The following UBE2E2 variants were observed in gnomAD, a reference collection of about 807,000 sequenced individuals.
UBE2E2 encodes ubiquitin-conjugating enzyme E2 E2.
Under a neutral mutation model 24.7 loss-of-function variants are expected in UBE2E2, and 6 were observed. That is an observed-to-expected ratio of 0.24 (90% CI 0.13 to 0.48). The LOEUF is 0.48. Among genes scored for constraint, UBE2E2 ranks in the 20% least tolerant of loss-of-function variants. The probability of loss-of-function intolerance (pLI) is 0.99; values close to 1 mark genes in which losing one functional copy is unlikely to be tolerated. For missense variants in UBE2E2, 169 were observed against 245.0 expected (o/e 0.69, Z 2.07); for synonymous variants, 104 against 83.6 (o/e 1.24, Z -1.33).
At chr3:23,433,281 A>G (rs1364488144) in intron 3 of UBE2E2, among the ~76,000 whole-genome samples, 3 of 151,962 alleles carry the variant, frequency 2.0e-5, no homozygotes, top group African/African-American at 7.2e-5. Flanking sequence ...GAATAACTTC[A>G]TAATAATAAA....
At chr3:23,277,165 A>G (rs958568231) in intron 3 of UBE2E2, among the ~76,000 whole-genome samples, 3 of 152,144 alleles carry the variant, frequency 2.0e-5, no homozygotes, top group Non-Finnish European at 4.4e-5. Flanking sequence ...AAGAATAGTA[A>G]TATAGTGGGA....
intron 3 of UBE2E2, among the ~76,000 whole-genome samples, chr3:23,277,587 A>C (rs1698399571): frequency 1.3e-5 from 2 of 152,106 alleles, no homozygotes; most frequent in Admixed American, 1.3e-4. Flanking sequence ...TTTTTAAAAA[A>C]CGTAATCATG....
Position 23,458,391 on chromosome 3 carries a change from CTGGTGGTGGTGGTGG to C in UBE2E2, c.228-41194_228-41180del, listed in dbSNP as rs781216109. On this transcript the variant is annotated intron_variant, in intron 3 of 5. Transcript: ENST00000396703. ...CAACAATCACTGATCAGAGAGATCG[CTGGTGGTGGTGGTGG>C]TGGTGGTGGTGGTGGTGGTGGTTGT... Among the ~76,000 whole-genome samples, 45 of 122,482 alleles carry C rather than the reference CTGGTGGTGGTGGTGG, an allele frequency of 3.7e-4. No homozygotes were observed. In the South Asian group the frequency reaches 9.6e-3, roughly 26 times the overall value. The allele number at this position is 122,482 out of a possible 152,430, so 80.4% of individuals were successfully genotyped here. A position where few individuals can be genotyped will look rare whatever the true frequency, so the allele number is the denominator to read the frequency against.
chr3:23,511,613 C>G (rs917033126), intron 4 of UBE2E2, among the ~76,000 whole-genome samples: 2 of 151,996 alleles, frequency 1.3e-5, no homozygotes, highest in Admixed American at 6.6e-5. Flanking sequence ...AATTTTCAAC[C>G]CAAACTGAAT....
chr3:23,260,301 G>C (rs1697860966), intron 3 of UBE2E2, among the ~76,000 whole-genome samples: 1 of 151,934 alleles, frequency 6.6e-6, no homozygotes, highest in East Asian at 1.9e-4. Flanking sequence ...TAAATTATTA[G>C]CCTGTGCCAA....
intron 3 of UBE2E2, among the ~76,000 whole-genome samples, chr3:23,325,818 T>C (rs141964563): frequency 6.8e-4 from 103 of 152,360 alleles, no homozygotes; most frequent in African/African-American, 2.4e-3. Flanking sequence ...AGGGAGCCCT[T>C]ATATCCTAAC....
At chr3:23,389,528 C>T (rs1696885902) in intron 3 of UBE2E2, 1 of 180,498 alleles carries the variant, frequency 5.5e-6, no homozygotes, top group South Asian at 1.6e-4. Context: ...CTCCAAAGTT[C>T]TCCGAAGCAA....
chr3:23,330,173 A>G (rs1300920596), intron 3 of UBE2E2, among the ~76,000 whole-genome samples: 2 of 152,238 alleles, frequency 1.3e-5, no homozygotes, highest in African/African-American at 2.4e-5. Flanking sequence ...TTTTAAAACT[A>G]AAGTGTTAAT....
intron 4 of UBE2E2, among the ~76,000 whole-genome samples, chr3:23,508,515 C>T (rs987305501): frequency 6.6e-6 from 1 of 152,154 alleles, no homozygotes; most frequent in Non-Finnish European, 1.5e-5. Flanking sequence ...ATTATTGTCT[C>T]CTGAGATGCT....
At chr3:23,261,643 T>C (rs984079020) in intron 3 of UBE2E2, among the ~76,000 whole-genome samples, 3 of 152,204 alleles carry the variant, frequency 2.0e-5, no homozygotes, top group Non-Finnish European at 4.4e-5. Context: ...CCTTTAGCTC[T>C]GGTAACCACC....
At chr3:23,238,792 CTG>C (rs766337831) in intron 3 of UBE2E2, among the ~76,000 whole-genome samples, 2 of 152,128 alleles carry the variant, frequency 1.3e-5, no homozygotes, top group African/African-American at 4.8e-5. Flanking sequence ...GCTGAATAAA[CTG>C]TGTATTGTGT....
At chr3:23,534,960 T>A (rs531879611) in intron 5 of UBE2E2, among the ~76,000 whole-genome samples, 2 of 152,340 alleles carry the variant, frequency 1.3e-5, no homozygotes, top group South Asian at 4.1e-4. Context: ...CATAAACTTA[T>A]TTTCTAAATC....
intron 3 of UBE2E2, among the ~76,000 whole-genome samples, chr3:23,240,156 A>G (rs1697220027): frequency 6.6e-6 from 1 of 152,170 alleles, no homozygotes; most frequent in Admixed American, 6.5e-5. Flanking sequence ...GTAAACATTC[A>G]CCATTCACAT....
chr3:23,578,009 GAAAA>G (rs58612058), intron 5 of UBE2E2, among the ~76,000 whole-genome samples: 2 of 103,258 alleles, frequency 1.9e-5, no homozygotes, highest in South Asian at 3.0e-4. Context: ...CTACCTCTCA[GAAAA>G]AAAAAAAAAA....
intron 3 of UBE2E2, among the ~76,000 whole-genome samples, chr3:23,427,796 C>A (rs780764030): frequency 7.9e-5 from 12 of 152,242 alleles, no homozygotes; most frequent in Admixed American, 2.0e-4. Context: ...GAAGACTTCA[C>A]AGCAAGGAAA....
At chr3:23,390,642 A>G (rs1696912775) in intron 3 of UBE2E2, among the ~76,000 whole-genome samples, 1 of 152,194 alleles carries the variant, frequency 6.6e-6, no homozygotes, top group Non-Finnish European at 1.5e-5. Context: ...GGCAGCTGCT[A>G]AAAGAGCATT....
intron 3 of UBE2E2, among the ~76,000 whole-genome samples, chr3:23,485,054 C>CAGGAATAGAA (rs1165094086): frequency 4.1e-5 from 6 of 147,072 alleles, no homozygotes; most frequent in Non-Finnish European, 9.0e-5. Context: ...CTGAAGTAAT[C>CAGGAATAGAA]ATAGAAAAGT....
intron 3 of UBE2E2, among the ~76,000 whole-genome samples, chr3:23,495,416 G>T (rs1575666497): frequency 6.6e-6 from 1 of 152,220 alleles, no homozygotes; most frequent in East Asian, 1.9e-4. Context: ...GTAATTTACT[G>T]TGGTTACCAT....
At chr3:23,385,313 A>ATC (rs1696782712) in intron 3 of UBE2E2, among the ~76,000 whole-genome samples, 2 of 152,138 alleles carry the variant, frequency 1.3e-5, no homozygotes, top group Admixed American at 1.3e-4. Context: ...TACAAAAATG[A>ATC]TTGTTTCTTG....
Sources: gnomAD v4.1 joint callset for allele counts (sites outside exome capture counted in the v4.1 genomes callset) on GRCh38, gnomAD v4.1.1 for gene constraint, MANE v1.5 for transcripts, NCBI Gene and HGNC (gene_info 2026-07-23, HGNC 2026-07-21) for gene names.